The following SLC12A2 variants were observed in gnomAD, a reference collection of about 807,000 sequenced individuals.
The protein encoded by SLC12A2 is solute carrier family 12 member 2.
SLC12A2 carries 67 observed loss-of-function variants against 136.3 expected under a neutral mutation model. That is an observed-to-expected ratio of 0.49 (90% CI 0.40 to 0.60). SLC12A2 has a LOEUF of 0.60. Ranked by LOEUF, SLC12A2 falls within the 20% of genes least tolerant of loss-of-function variation. The pLI, the probability that SLC12A2 is intolerant of heterozygous loss-of-function variation, is 0.00. For synonymous variants in SLC12A2, 619 were observed against 562.9 expected, an observed-to-expected ratio of 1.10 and a Z score of -1.41; for missense variants, 1,322 against 1,534.7, an observed-to-expected ratio of 0.86 and a Z score of 2.32.
intron 18 of SLC12A2, 67 bp downstream of exon 18, chr5:128,167,934 A>C: frequency 1.1e-6 from 1 of 896,914 alleles, no homozygotes; most frequent in Non-Finnish European, 1.7e-6. Context: ...GCTTGTCCTA[A>C]TTTTTGGAGA....
chr5:128,103,276 G>A (rs1760810680), intron 1 of SLC12A2, among the ~76,000 whole-genome samples: 1 of 152,136 alleles, frequency 6.6e-6, no homozygotes, highest in Admixed American at 6.5e-5. Context: ...CAGACAGTAT[G>A]GAGTGGATAA....
In SLC12A2 at chr5:128,177,128, G is replaced by A. The variant is rs757082202; in HGVS notation, c.2953G>A (p.Ala985Thr). Residue 985 changes from alanine (A) to threonine (T), a missense_variant, in exon 21 of 27, where the codon GCA becomes ACA. This residue lies in a region of SLC12A2 where 226 missense variants were observed against 210.4 expected (regional missense o/e 1.07). Transcript: ENST00000262461. The part of the protein sequence containing the change: ...HKVEEEDGKT[A>T]TQPLLKKESK... ...AGTTGAGGAAGAGGATGGCAAGACT[G>A]CAACTCAACCACTGTTGAAAAAAGG... The A allele has an allele frequency of 6.3e-7, 1 of 1,589,852 alleles. No individual in the cohort carries two copies. The highest frequency in any genetic ancestry group is 1.2e-5 in the South Asian group (1 of 85,196).
chr5:128,105,005 A>G (rs1397269992), intron 1 of SLC12A2, among the ~76,000 whole-genome samples: 1 of 151,200 alleles, frequency 6.6e-6, no homozygotes, highest in Non-Finnish European at 1.5e-5. Context: ...GACTCATTAT[A>G]ACATGTGGAA....
Position 128,174,548 on chromosome 5 carries a change from A to G in SLC12A2, c.2811A>G (p.Leu937=). Residue 937 remains leucine (L), a synonymous_variant, in exon 20 of 27, where the codon TTA becomes TTG. Transcript: ENST00000262461. Reference sequence around the variant, plus strand: ...ATAATTTTCTGTCTACAGAAGAATTATTGTCATCACAAGAGAAATCTCCTG... The same window carrying G: ...ATAATTTTCTGTCTACAGAAGAATTGTTGTCATCACAAGAGAAATCTCCTG... ...DISHLQGQEE[L]LSSQEKSPGT... 6.2e-7 allele frequency: 1 copy of G among 1,603,164 alleles called. No homozygotes were observed. Among genetic ancestry groups the G allele is most frequent in the Non-Finnish European group, 8.5e-7 (1 of 1,173,834 alleles).
intron 9 of SLC12A2, among the ~76,000 whole-genome samples, chr5:128,140,403 A>G (rs1762324053): frequency 6.6e-6 from 1 of 152,280 alleles, no homozygotes; most frequent in Non-Finnish European, 1.5e-5. Context: ...TATGCCTAGC[A>G]AAATATATGG....
At chr5:128,117,095 C>G (rs1314981443) in intron 4 of SLC12A2, among the ~76,000 whole-genome samples, 1 of 152,148 alleles carries the variant, frequency 6.6e-6, no homozygotes, top group African/African-American at 2.4e-5. Flanking sequence ...TGGCAATAAG[C>G]AATTCTTGTG....
At chr5:128,087,062 A>G (rs945582240) in intron 1 of SLC12A2, among the ~76,000 whole-genome samples, 6 of 152,232 alleles carry the variant, frequency 3.9e-5, no homozygotes, top group African/African-American at 1.4e-4. Flanking sequence ...TACTTCAGAA[A>G]CTTGTTAGGG....
intron 10 of SLC12A2, among the ~76,000 whole-genome samples, chr5:128,145,528 G>A (rs767906618): frequency 1.3e-5 from 2 of 152,078 alleles, no homozygotes; most frequent in Non-Finnish European, 1.5e-5. Context: ...AAAATGCACA[G>A]CATATATGTA....
At chr5:128,100,821 C>T (rs78889664) in intron 1 of SLC12A2, among the ~76,000 whole-genome samples, 4,551 of 152,144 alleles carry the variant, frequency 0.03, 240 homozygotes, top group African/African-American at 0.1. Context: ...TTCTGGTACT[C>T]GAATTAAAAT....
intron 6 of SLC12A2, among the ~76,000 whole-genome samples, chr5:128,135,128 G>C (rs766230196): frequency 1.2e-3 from 184 of 152,122 alleles, no homozygotes; most frequent in Non-Finnish European, 2.1e-3. Flanking sequence ...CAGGTTTATT[G>C]AGAGGTTGAG....
intron 19 of SLC12A2, among the ~76,000 whole-genome samples, chr5:128,173,639 C>T (rs933143113): frequency 6.6e-6 from 1 of 152,040 alleles, no homozygotes; most frequent in East Asian, 1.9e-4. Flanking sequence ...ACTTCCAAGC[C>T]TCAGTTTCCT....
intron 15 of SLC12A2, among the ~76,000 whole-genome samples, chr5:128,155,139 G>A (rs1762835344): frequency 6.6e-6 from 1 of 152,048 alleles, no homozygotes; most frequent in South Asian, 2.1e-4. Context: ...CAGAGACGCT[G>A]GATAAAGGGA....
intron 4 of SLC12A2, among the ~76,000 whole-genome samples, chr5:128,116,756 A>G (rs1036797509): frequency 2.0e-5 from 3 of 152,162 alleles, no homozygotes; most frequent in African/African-American, 7.2e-5. Context: ...TCACTTAGTG[A>G]CTTTGGACAG....
At chr5:128,146,844 C>A (rs1289021548) in intron 10 of SLC12A2, among the ~76,000 whole-genome samples, 1 of 151,670 alleles carries the variant, frequency 6.6e-6, no homozygotes, top group Non-Finnish European at 1.5e-5. Context: ...ATGGCACTTA[C>A]ACAGTATTCT....
At chr5:128,120,576 G>A (rs1761523430) in intron 4 of SLC12A2, among the ~76,000 whole-genome samples, 2 of 151,012 alleles carry the variant, frequency 1.3e-5, no homozygotes, top group Non-Finnish European at 1.5e-5. Context: ...GGATGAAATT[G>A]GAAATCATCA....
intron 17 of SLC12A2, among the ~76,000 whole-genome samples, chr5:128,164,640 G>T (rs148166665): frequency 6.6e-6 from 1 of 152,086 alleles, no homozygotes; most frequent in East Asian, 1.9e-4. Context: ...ATTACCTTTG[G>T]CAAAAGAATT....
intron 18 of SLC12A2, chr5:128,170,848 A>T (rs1763351095): frequency 6.6e-6 from 1 of 152,198 alleles, no homozygotes; most frequent in African/African-American, 2.4e-5. Context: ...CTGTAATCCC[A>T]GCACTTTGGG....
At chr5:128,093,669 A>G (rs1760419988) in intron 1 of SLC12A2, among the ~76,000 whole-genome samples, 1 of 152,130 alleles carries the variant, frequency 6.6e-6, no homozygotes, top group Non-Finnish European at 1.5e-5. Context: ...GAATTTCTAA[A>G]TATTCTTTTC....
At chr5:128,185,592 A>T (rs903690535) in intron 26 of SLC12A2, among the ~76,000 whole-genome samples, 1 of 152,232 alleles carries the variant, frequency 6.6e-6, no homozygotes, top group African/African-American at 2.4e-5. Context: ...ACACCAAAAC[A>T]TAGAAATTTA....
Sources: allele counts gnomAD v4.1 joint callset (sites outside exome capture counted in the v4.1 genomes callset), GRCh38; gene constraint gnomAD v4.1.1; regional missense constraint gnomAD v4.1.1; transcripts MANE v1.5; gene names NCBI Gene and HGNC (gene_info 2026-07-23, HGNC 2026-07-21).